The following INTS5 variants were observed in gnomAD, a reference collection of about 807,000 sequenced individuals.
The protein encoded by INTS5 is integrator complex subunit 5.
In INTS5, 29 loss-of-function variants were observed where a neutral mutation model predicts 60.0. That is an observed-to-expected ratio of 0.48 (90% confidence interval 0.36 to 0.66). The LOEUF is 0.66. INTS5 is among the 30% of genes least tolerant of loss of function. The probability of loss-of-function intolerance (pLI) is 0.00; values close to 1 mark genes in which losing one functional copy is unlikely to be tolerated. For synonymous variants in INTS5, 588 were observed against 558.8 expected (o/e 1.05, Z -0.74); for missense variants, 1,129 against 1,307.9 (o/e 0.86, Z 2.11).
rs768412770 is a variant in INTS5 at position 62,649,679 on chromosome 11, C to T, written c.401G>A (p.Arg134Gln). ...AGGTGCCCAGGCCTTTGGGTTGGCCCGGATAAACTCAGACAGCACCTGCTG... is the reference window on the plus strand; with the variant it reads ...AGGTGCCCAGGCCTTTGGGTTGGCCTGGATAAACTCAGACAGCACCTGCTG... ...EVQQVLSEFI[R>Q]ANPKAWAPVI... The change falls in exon 2 of 2, where the codon CGG (arginine) becomes CAG (glutamine). Residue 134 changes from arginine to glutamine, a missense_variant. Around this residue, in one of 3 missense-constraint regions of INTS5, gnomAD observed 1,070 missense variants for 1,246.1 expected, o/e 0.86. Coordinates refer to ENST00000330574, the MANE Select transcript of INTS5 (RefSeq NM_030628.2). This position sits in a 1 kb window ranked among gnomAD's most constrained non-coding sequence, Gnocchi z 6.0. 29 of 1,614,046 alleles carry T rather than the reference C, an allele frequency of 1.8e-5. No homozygotes were observed. The highest frequency in any genetic ancestry group is 4.5e-5 in the East Asian group (2 of 44,902).
Position 62,650,063 on chromosome 11 carries a change from T to G in INTS5, c.81-64A>C, listed in dbSNP as rs938637964. ...GAGATGTTAGGCAACTTACCTTTCC[T>G]GTATGAGCTTTGCCTTTTATGTTAA... is the stretch of plus-strand genomic sequence containing the variant. On this transcript the variant is annotated intron_variant, in intron 1 of 1. Coordinates refer to ENST00000330574, the MANE Select transcript of INTS5 (RefSeq NM_030628.2). 3.8e-6 allele frequency: 5 copies of G among 1,298,812 alleles called. No individual in the cohort carries two copies. The East Asian group carries it at 9.4e-5, about 24-fold the overall frequency. 80.5% of individuals were successfully genotyped at this position (1,298,812 alleles called of 1,614,324 possible).
Position 62,647,801 on chromosome 11 carries a change from G to A in INTS5, c.2279C>T (p.Pro760Leu), listed in dbSNP as rs749318763. Residue 760 changes from proline to leucine, a missense_variant, in exon 2 of 2, where the codon CCA becomes CTA. By Grantham distance (98) the Pro-to-Leu change is moderately conservative. Around this residue, in one of 3 missense-constraint regions of INTS5, gnomAD observed 1,070 missense variants for 1,246.1 expected, o/e 0.86. Coordinates refer to ENST00000330574, the MANE Select transcript of INTS5 (RefSeq NM_030628.2). ...HAGVIGRGLKPPKFVQSRNQQ... is the reference protein window; with the variant it reads ...HAGVIGRGLKLPKFVQSRNQQ... ...ATTTCGTGACTGGACAAACTTGGGT[G>A]GCTTTAAGCCACGGCCGATGACTCC... 8 of 1,614,234 alleles carry A rather than the reference G, an allele frequency of 5.0e-6. No individual in the cohort carries two copies. Among genetic ancestry groups the A allele is most frequent in the Non-Finnish European group, 6.8e-6 (8 of 1,180,046 alleles).
Position 62,649,507 on chromosome 11 carries a change from G to T in INTS5, c.573C>A (p.Asp191Glu). ...GAGCCGAGAGGCACTGCACATAGAT[G>T]TCCATTAATGTACGCGTGGCCCTAC... ...MGCRATRTLM[D>E]IYVQCLSALI... The change falls in exon 2 of 2, where the codon GAC (aspartate) becomes GAA (glutamate). Residue 191 changes from aspartate to glutamate, a missense_variant. Around this residue, in one of 3 missense-constraint regions of INTS5, gnomAD observed 1,070 missense variants for 1,246.1 expected, o/e 0.86. Coordinates refer to ENST00000330574, the MANE Select transcript of INTS5 (RefSeq NM_030628.2). The surrounding 1 kb of genome is among the most constrained non-coding windows in gnomAD (Gnocchi z 6.0). The T allele has an allele frequency of 6.2e-7, 1 of 1,614,224 alleles. No homozygotes were observed. The highest frequency in any genetic ancestry group is 1.1e-5 in the South Asian group (1 of 91,088).
In INTS5 at chr11:62,648,191, G is replaced by A. The variant is rs1247287371; in HGVS notation, c.1889C>T (p.Ala630Val). Reference sequence around the variant, plus strand: ...GGCTTCAGAAGGAAAGGGACAAATGGCCAGGAGAGAGGCAGCAGCTTCAGC... The same window carrying A: ...GGCTTCAGAAGGAAAGGGACAAATGACCAGGAGAGAGGCAGCAGCTTCAGC... ...EVAEAAASLL[A>V]ICPFPSEALS... The change falls in exon 2 of 2, where the codon GCC becomes GTC. Residue 630 changes from alanine (A) to valine (V), a missense_variant. Around this residue, in one of 3 missense-constraint regions of INTS5, gnomAD observed 1,070 missense variants for 1,246.1 expected, o/e 0.86. Coordinates refer to ENST00000330574, the MANE Select transcript of INTS5 (RefSeq NM_030628.2). The surrounding 1 kb of genome is among the most constrained non-coding windows in gnomAD (Gnocchi z 4.4). 1 of 1,613,390 alleles carries A rather than the reference G, an allele frequency of 6.2e-7. No homozygotes were observed. Among genetic ancestry groups the A allele is most frequent in the Non-Finnish European group, 8.5e-7 (1 of 1,179,702 alleles).
chr11:62,647,392 G>A lies in INTS5; in HGVS notation c.2688C>T (p.Asp896=). The part of the protein sequence containing the change: ...LGHWEASRHP[D]TTHSPWHLEA... ...CCAGGTGCCAGGGGGAGTGGGTCGT[G>A]TCAGGGTGGCGAGAGGCTTCCCAAT... Residue 896 remains aspartate, a synonymous_variant, in exon 2 of 2, where the codon GAC becomes GAT. Coordinates refer to ENST00000330574, the MANE Select transcript of INTS5 (RefSeq NM_030628.2). 1 of 1,612,564 alleles carries A rather than the reference G, an allele frequency of 6.2e-7. No homozygotes were observed. Among genetic ancestry groups the A allele is most frequent in the Non-Finnish European group, 8.5e-7 (1 of 1,179,290 alleles).
intron 1 of INTS5, among the ~76,000 whole-genome samples, chr11:62,652,015 T>C (rs1246006278): frequency 6.6e-6 from 1 of 151,936 alleles, no homozygotes; most frequent in Non-Finnish European, 1.5e-5. Context: ...GTTTCTATAA[T>C]ATCTGCTTTA....
chr11:62,647,211 G>A lies in INTS5; in HGVS notation c.2869C>T (p.Pro957Ser), dbSNP rs757419325. The A allele has an allele frequency of 6.2e-7, 1 of 1,614,112 alleles. No individual in the cohort carries two copies. ...TCTGATTGGAAGATGAACTTCTGAG[G>A]CAAGGGCCCATGCTCCCGGAGAAAA... ...WGFLREHGPL[P>S]QKFIFQSERG... Residue 957 changes from proline (P) to serine (S), a missense_variant, in exon 2 of 2, where the codon CCT becomes TCT. Physicochemically the swap from Pro to Ser is moderately conservative, Grantham distance 74 (BLOSUM62 -1). Around this residue, in one of 3 missense-constraint regions of INTS5, gnomAD observed 1,070 missense variants for 1,246.1 expected, o/e 0.86. Transcript: ENST00000330574.
In INTS5 at chr11:62,648,821, A is replaced by C; in HGVS notation, c.1259T>G (p.Ile420Ser). The change falls in exon 2 of 2, where the codon ATT becomes AGT. Residue 420 changes from isoleucine to serine, a missense_variant. Around this residue, in one of 3 missense-constraint regions of INTS5, gnomAD observed 1,070 missense variants for 1,246.1 expected, o/e 0.86. Coordinates refer to ENST00000330574, the MANE Select transcript of INTS5 (RefSeq NM_030628.2). This position sits in a 1 kb window ranked among gnomAD's most constrained non-coding sequence, Gnocchi z 4.4. ...LVDTAMPASV[I>S]TTQGLAVPDT... Reference sequence around the variant, plus strand: ...TGGCACAGCCAGGCCCTGGGTGGTAATGACCGAAGCAGGCATAGCTGTGTC... The same window carrying C: ...TGGCACAGCCAGGCCCTGGGTGGTACTGACCGAAGCAGGCATAGCTGTGTC... 6.2e-7 allele frequency: 1 copy of C among 1,614,088 alleles called. No individual in the cohort carries two copies. Among genetic ancestry groups the C allele is most frequent in the Non-Finnish European group, 8.5e-7 (1 of 1,180,026 alleles).
Position 62,649,646 on chromosome 11 carries a change from C to T in INTS5, c.434G>A (p.Ser145Asn), listed in dbSNP as rs1448651712. ...CCCCATGAGGTCAATGGACCATGCA[C>T]TAATCACAGGTGCCCAGGCCTTTGG... is the stretch of plus-strand genomic sequence containing the variant. ...ANPKAWAPVI[S>N]AWSIDLMGQL... The change falls in exon 2 of 2, where the codon AGT becomes AAT. Residue 145 changes from serine to asparagine, a missense_variant. By Grantham distance (46) the Ser-to-Asn change is conservative. Coordinates refer to ENST00000330574, the MANE Select transcript of INTS5 (RefSeq NM_030628.2). This position sits in a 1 kb window ranked among gnomAD's most constrained non-coding sequence, Gnocchi z 6.0. 6.2e-7 allele frequency: 1 copy of T among 1,614,200 alleles called. No homozygotes were observed. Among genetic ancestry groups the T allele is most frequent in the South Asian group, 1.1e-5 (1 of 91,088 alleles).
Position 62,649,809 on chromosome 11 carries a change from C to A in INTS5, c.271G>T (p.Ala91Ser). 1 of 1,614,116 alleles carries A rather than the reference C, an allele frequency of 6.2e-7. No homozygotes were observed. Among genetic ancestry groups the A allele is most frequent in the African/African-American group, 1.3e-5 (1 of 75,054 alleles). ...FDESVRAHLA[A>S]LDETPVAGPP... ...CCAGCCACAGGGGTTTCATCCAGGG[C>A]AGCCAGGTGGGCCCGGACACTCTCA... Residue 91 changes from alanine to serine, a missense_variant, in exon 2 of 2, where the codon GCC becomes TCC. Around this residue, in one of 3 missense-constraint regions of INTS5, gnomAD observed 1,070 missense variants for 1,246.1 expected, o/e 0.86. Transcript: ENST00000330574. This position sits in a 1 kb window ranked among gnomAD's most constrained non-coding sequence, Gnocchi z 6.0.
chr11:62,649,169 C>T lies in INTS5; in HGVS notation c.911G>A (p.Arg304His), dbSNP rs144971464. The T allele has an allele frequency of 5.0e-6, 8 of 1,613,586 alleles. No homozygotes were observed. The East Asian group carries it at 8.9e-5, about 18-fold the overall frequency. Residue 304 changes from arginine (R) to histidine (H), a missense_variant, in exon 2 of 2, where the codon CGC (arginine) becomes CAC (histidine). Arg to His is a conservative substitution (Grantham distance 29). This residue lies in a region of INTS5 where 1,070 missense variants were observed against 1,246.1 expected (regional missense o/e 0.86). Coordinates refer to ENST00000330574, the MANE Select transcript of INTS5 (RefSeq NM_030628.2). This position sits in a 1 kb window ranked among gnomAD's most constrained non-coding sequence, Gnocchi z 6.0. ...CTCCCGTCGGATGCTATCTCCGTGG[C>T]GGGAGGCCAGGTGACCTAGGATGCC... ...VVGILGHLAS[R>H]HGDSIRRELL...
At chr11:62,653,122 C>G (rs1341692461) in intron 1 of INTS5, 48 bp downstream of exon 1, 3 of 1,142,272 alleles carry the variant, frequency 2.6e-6, no homozygotes, top group African/African-American at 1.6e-5. Flanking sequence ...GGCTAGGGAT[C>G]GGCGCGGGGC....
intron 1 of INTS5, among the ~76,000 whole-genome samples, chr11:62,651,834 G>A (rs1312237096): frequency 6.6e-6 from 1 of 152,126 alleles, no homozygotes; most frequent in Non-Finnish European, 1.5e-5. Flanking sequence ...CTGCACCCCA[G>A]ACTGTGTGCG....
intron 1 of INTS5, among the ~76,000 whole-genome samples, chr11:62,650,857 G>A (rs1187027656): frequency 6.6e-6 from 1 of 152,012 alleles, no homozygotes; most frequent in African/African-American, 2.4e-5. Context: ...TCAAGCACAT[G>A]CCACGACACC....
Position 62,649,235 on chromosome 11 carries a change from A to G in INTS5, c.845T>C (p.Ile282Thr), listed in dbSNP as rs1944574427. 1.9e-6 allele frequency: 3 copies of G among 1,613,798 alleles called. No individual in the cohort carries two copies. Among genetic ancestry groups the G allele is most frequent in the Middle Eastern group, 3.3e-4 (2 of 6,062 alleles). ...STDPFPGSPA[I>T]PAEKRVPKIA... Reference sequence around the variant, plus strand: ...CTTGGGCACCCGTTTCTCCGCAGGAATGGCAGGAGATCCAGGGAAGGGGTC... The same window carrying G: ...CTTGGGCACCCGTTTCTCCGCAGGAGTGGCAGGAGATCCAGGGAAGGGGTC... Residue 282 changes from isoleucine (I) to threonine (T), a missense_variant, in exon 2 of 2, where the codon ATT (isoleucine) becomes ACT (threonine). By Grantham distance (89) the Ile-to-Thr change is moderately conservative (BLOSUM62 -1). This residue lies in a region of INTS5 where 1,070 missense variants were observed against 1,246.1 expected (regional missense o/e 0.86). Transcript: ENST00000330574. The surrounding 1 kb of genome is among the most constrained non-coding windows in gnomAD (Gnocchi z 6.0).
At position 62,649,543 on chromosome 11, in the gene INTS5, C is replaced by T. The variant is rs1434990423; in HGVS notation, c.537G>A (p.Leu179=). The T allele has an allele frequency of 1.9e-6, 3 of 1,614,122 alleles. No homozygotes were observed. The highest frequency in any genetic ancestry group is 1.6e-4 in the Middle Eastern group (1 of 6,080). The change falls in exon 2 of 2, where the codon CTG becomes CTA. Residue 179 remains leucine, a synonymous_variant. Coordinates refer to ENST00000330574, the MANE Select transcript of INTS5 (RefSeq NM_030628.2). This position sits in a 1 kb window ranked among gnomAD's most constrained non-coding sequence, Gnocchi z 6.0. The part of the protein sequence containing the change: ...ATGALNELLQ[L]WMGCRATRTL... ...TACGCGTGGCCCTACAACCCATCCA[C>T]AGCTGTAGCAGTTCATTAAGAGCGC...
chr11:62,650,637 C>T (rs988882572), intron 1 of INTS5, among the ~76,000 whole-genome samples: 1 of 152,130 alleles, frequency 6.6e-6, no homozygotes, highest in African/African-American at 2.4e-5. Flanking sequence ...GTCTCAAACT[C>T]CTGACCTCAA....
rs746459880 is a variant in INTS5 at position 62,648,312 on chromosome 11, C to G, written c.1768G>C (p.Glu590Gln). 1.2e-6 allele frequency: 2 copies of G among 1,613,870 alleles called. No individual in the cohort carries two copies. The highest frequency in any genetic ancestry group is 1.3e-5 in the African/African-American group (1 of 75,066). The change falls in exon 2 of 2, where the codon GAG becomes CAG. Residue 590 changes from glutamate (E) to glutamine (Q), a missense_variant. Physicochemically the swap from Glu to Gln is conservative, Grantham distance 29. Coordinates refer to ENST00000330574, the MANE Select transcript of INTS5 (RefSeq NM_030628.2). This position sits in a 1 kb window ranked among gnomAD's most constrained non-coding sequence, Gnocchi z 4.4. Reference protein sequence around the residue: ...LLVGWEQQGGEGPAALGAHFG... With the variant: ...LLVGWEQQGGQGPAALGAHFG... ...TGCGCCCCTAGGGCTGCAGGGCCCT[C>G]GCCACCCTGCTGTTCCCACCCTACT...
chr11:62,647,210 G>C lies in INTS5; in HGVS notation c.2870C>G (p.Pro957Arg). Residue 957 changes from proline to arginine, a missense_variant, in exon 2 of 2, where the codon CCT (proline) becomes CGT (arginine). Physicochemically the swap from Pro to Arg is moderately radical, Grantham distance 103. This residue lies in a region of INTS5 where 1,070 missense variants were observed against 1,246.1 expected (regional missense o/e 0.86). Coordinates refer to ENST00000330574, the MANE Select transcript of INTS5 (RefSeq NM_030628.2). ...WGFLREHGPLPQKFIFQSERG... is the reference protein window; with the variant it reads ...WGFLREHGPLRQKFIFQSERG... The stretch of plus-strand genomic sequence containing the variant: ...CTCTGATTGGAAGATGAACTTCTGA[G>C]GCAAGGGCCCATGCTCCCGGAGAAA... The C allele has an allele frequency of 4.3e-6, 7 of 1,614,218 alleles. No individual in the cohort carries two copies. The highest frequency in any genetic ancestry group is 5.9e-6 in the Non-Finnish European group (7 of 1,180,042).
Sources: allele counts gnomAD v4.1 joint callset (sites outside exome capture counted in the v4.1 genomes callset), GRCh38; gene constraint gnomAD v4.1.1; regional missense constraint gnomAD v4.1.1; non-coding constraint Gnocchi (gnomAD v3.1); transcripts MANE v1.5; gene names NCBI Gene and HGNC (gene_info 2026-07-23, HGNC 2026-07-21).